The following COL23A1 variants were observed in gnomAD, a reference collection of about 807,000 sequenced individuals.
The protein encoded by COL23A1 is collagen alpha-1(XXIII) chain.
Under a neutral mutation model 99.3 loss-of-function variants are expected in COL23A1, and 97 were observed. The observed-to-expected ratio is 0.98, with a 90% CI of 0.83 to 1.16. The LOEUF (loss-of-function observed/expected upper bound fraction) is 1.16. COL23A1 is among the 50% of genes most tolerant of loss of function. The probability of loss-of-function intolerance (pLI) is 0.00; values close to 1 mark genes in which losing one functional copy is unlikely to be tolerated. For missense variants in COL23A1, 762 were observed against 757.4 expected (o/e 1.01, Z -0.07); for synonymous variants, 320 against 308.2 (o/e 1.04, Z -0.40).
chr5:178,583,398 C>T (rs1176798191), intron 1 of COL23A1, among the ~76,000 whole-genome samples: 2 of 152,194 alleles, frequency 1.3e-5, no homozygotes, highest in Non-Finnish European at 2.9e-5. Context: ...TCTCCCTTTT[C>T]TTCCAATAAC....
intron 2 of COL23A1, among the ~76,000 whole-genome samples, chr5:178,378,447 A>C (rs757238222): frequency 3.9e-4 from 59 of 152,270 alleles, no homozygotes; most frequent in Admixed American, 1.0e-3. Context: ...AGTGGCAAGA[A>C]GGGCAGGGCT....
chr5:178,517,973 A>C (rs1759650667), intron 2 of COL23A1, among the ~76,000 whole-genome samples: 1 of 125,772 alleles, frequency 8.0e-6, no homozygotes, highest in Non-Finnish European at 1.6e-5. Context: ...ATGGGACAAT[A>C]GTGGAGGGAA....
chr5:178,380,233 G>T (rs1345258411), intron 2 of COL23A1, among the ~76,000 whole-genome samples: 1 of 152,174 alleles, frequency 6.6e-6, no homozygotes, highest in African/African-American at 2.4e-5. Context: ...GTTGGAGCAG[G>T]ATGAAGACCA....
At chr5:178,269,343 C>T (rs1307577514) in intron 6 of COL23A1, among the ~76,000 whole-genome samples, 2 of 55,744 alleles carry the variant, frequency 3.6e-5, no homozygotes, top group Non-Finnish European at 1.2e-4. Context: ...ATCCATCCAT[C>T]CATCCACCCA....
At chr5:178,414,220 G>A (rs1486716870) in intron 2 of COL23A1, among the ~76,000 whole-genome samples, 1 of 152,160 alleles carries the variant, frequency 6.6e-6, no homozygotes, top group African/African-American at 2.4e-5. Flanking sequence ...AGCATCAGGT[G>A]ACTTTGTTAT....
At chr5:178,569,289 G>A (rs1475575035) in intron 1 of COL23A1, among the ~76,000 whole-genome samples, 2 of 152,138 alleles carry the variant, frequency 1.3e-5, no homozygotes, top group African/African-American at 4.8e-5. Flanking sequence ...TATAGAATCT[G>A]TATACTAGAC....
At chr5:178,264,532 C>T (rs1378234337) in intron 8 of COL23A1, among the ~76,000 whole-genome samples, 2 of 152,170 alleles carry the variant, frequency 1.3e-5, no homozygotes, top group African/African-American at 2.4e-5. Flanking sequence ...CCACCCTACA[C>T]TCGCACAGGG....
intron 24 of COL23A1, 121 bp from the exon 25 acceptor site, chr5:178,246,089 G>T: frequency 9.0e-6 from 12 of 1,336,572 alleles, no homozygotes; most frequent in Non-Finnish European, 1.2e-5. Context: ...CACCAACCAC[G>T]CAGGCATAGA....
At chr5:178,519,045 C>T (rs541142287) in intron 2 of COL23A1, among the ~76,000 whole-genome samples, 3 of 150,912 alleles carry the variant, frequency 2.0e-5, no homozygotes, top group South Asian at 4.2e-4. Context: ...GCAGCGCAGC[C>T]GCGCCAACCA....
At chr5:178,359,542 T>C (rs556984026) in intron 2 of COL23A1, among the ~76,000 whole-genome samples, 1 of 152,248 alleles carries the variant, frequency 6.6e-6, no homozygotes, top group South Asian at 2.1e-4. Flanking sequence ...AAAAAGATCA[T>C]GAAGGGACTG....
At chr5:178,526,382 AG>A (rs1180343378) in intron 2 of COL23A1, among the ~76,000 whole-genome samples, 2 of 152,214 alleles carry the variant, frequency 1.3e-5, no homozygotes, top group African/African-American at 4.8e-5. Flanking sequence ...TGGCTGGACC[AG>A]GGAACGTCCT....
At chr5:178,432,252 G>C (rs1240343195) in intron 2 of COL23A1, among the ~76,000 whole-genome samples, 1 of 152,210 alleles carries the variant, frequency 6.6e-6, no homozygotes. Context: ...ACTAAGAAAA[G>C]AGAAAGCACT....
chr5:178,274,793 T>A (rs1345667538), intron 5 of COL23A1, among the ~76,000 whole-genome samples: 1 of 152,148 alleles, frequency 6.6e-6, no homozygotes, highest in Non-Finnish European at 1.5e-5. Flanking sequence ...CTTCCTCATC[T>A]ATGGATGCCA....
Position 178,238,635 on chromosome 5 carries a change from T to C in COL23A1, c.*63A>G, listed in dbSNP as rs1237276933. 2 of 1,600,652 alleles carry C rather than the reference T, an allele frequency of 1.2e-6. No individual in the cohort carries two copies. Among genetic ancestry groups the C allele is most frequent in the South Asian group, 1.1e-5 (1 of 90,652 alleles). ...GAAAAAAGATCAATATATTACTGTT[T>C]TGTTTTTACAAAAATTAAAAATGTC... On this transcript the variant is annotated 3_prime_UTR_variant, in exon 29 of 29. Transcript: ENST00000390654.
chr5:178,377,339 G>A (rs1467005182), intron 2 of COL23A1, among the ~76,000 whole-genome samples: 4 of 151,506 alleles, frequency 2.6e-5, no homozygotes, highest in Non-Finnish European at 5.9e-5. Context: ...CTTTTCCAAG[G>A]GAAGGCATGA....
intron 1 of COL23A1, among the ~76,000 whole-genome samples, chr5:178,565,796 T>A (rs752339119): frequency 6.6e-6 from 1 of 151,806 alleles, no homozygotes; most frequent in Non-Finnish European, 1.5e-5. Flanking sequence ...TCTCAAGTAA[T>A]GTTCCTATCT....
Position 178,544,648 on chromosome 5 carries a change from C to A in COL23A1, c.361+16034G>T, listed in dbSNP as rs1189736356. Among the ~76,000 whole-genome samples the A allele has an allele frequency of 6.6e-6, 1 of 152,166 alleles. No homozygotes were observed. Among genetic ancestry groups the A allele is most frequent in the South Asian group, 2.1e-4 (1 of 4,826 alleles). On this transcript the variant is annotated intron_variant, in intron 2 of 28. Coordinates refer to ENST00000390654, the MANE Select transcript of COL23A1 (RefSeq NM_173465.4). The surrounding 1 kb of genome is among the most constrained non-coding windows in gnomAD (Gnocchi z 4.4). ...GCCTCTATCCCCACTGTGAGACGGG[C>A]GGTGCCACAAATGGGAGGTGACGAT...
rs1764691390 is a variant in COL23A1 at position 178,246,316 on chromosome 5, A to G, written c.1360-9T>C. Reference sequence around the variant, plus strand: ...GGTGGGCCAACTGGCCCCTGGATAGAAAAGGAATGAGTCAAGAGGCATGCT... The same window carrying G: ...GGTGGGCCAACTGGCCCCTGGATAGGAAAGGAATGAGTCAAGAGGCATGCT... On this transcript the variant is annotated splice_polypyrimidine_tract_variant and intron_variant, in intron 23 of 28. Coordinates refer to ENST00000390654, the MANE Select transcript of COL23A1 (RefSeq NM_173465.4). The G allele has an allele frequency of 1.9e-6, 3 of 1,557,132 alleles. No homozygotes were observed. Among genetic ancestry groups the G allele is most frequent in the Non-Finnish European group, 2.6e-6 (3 of 1,149,534 alleles).
Position 178,249,119 on chromosome 5 carries a change from G to A in COL23A1, c.1147C>T (p.Pro383Ser), listed in dbSNP as rs750753484. The A allele has an allele frequency of 6.2e-7, 1 of 1,614,144 alleles. No individual in the cohort carries two copies. Residue 383 changes from proline (P) to serine (S), a missense_variant and splice_region_variant, in exon 19 of 29, where the codon CCG becomes TCG. Pro to Ser is a moderately conservative substitution (Grantham distance 74). Coordinates refer to ENST00000390654, the MANE Select transcript of COL23A1 (RefSeq NM_173465.4). Reference sequence around the variant, plus strand: ...TGTGGCCCAACCCAGCCACATACCGGGAGGCCGGACAAGCCCATCTCGCCT... The same window carrying A: ...TGTGGCCCAACCCAGCCACATACCGAGAGGCCGGACAAGCCCATCTCGCCT... Reference protein sequence around the residue: ...EAGEMGLSGLPGADGLKGEKG... With the variant: ...EAGEMGLSGLSGADGLKGEKG...
Sources: gnomAD v4.1 joint callset for allele counts (sites outside exome capture counted in the v4.1 genomes callset) on GRCh38, gnomAD v4.1.1 for gene constraint, Gnocchi (gnomAD v3.1) non-coding constraint, MANE v1.5 for transcripts, NCBI Gene and HGNC (gene_info 2026-07-23, HGNC 2026-07-21) for gene names.